MAP4: variants seen among roughly 807,000 people sequenced by gnomAD.
MAP4 encodes microtubule-associated protein 4.
Under a neutral mutation model 170.2 loss-of-function variants are expected in MAP4, and 76 were observed. The observed-to-expected ratio is 0.45, with a 90% CI of 0.37 to 0.54. The LOEUF is 0.54. Among genes scored for constraint, MAP4 ranks in the 20% least tolerant of loss-of-function variants. The pLI, the probability that MAP4 is intolerant of heterozygous loss-of-function variation, is 0.00. For synonymous variants in MAP4, 909 were observed against 994.5 expected (o/e 0.91, Z 1.62); for missense variants, 2,506 against 2,748.0 (o/e 0.91, Z 1.97).
chr3:47,936,946 C>T (rs1189556489), intron 3 of MAP4, among the ~76,000 whole-genome samples: 2 of 148,284 alleles, frequency 1.3e-5, no homozygotes, highest in African/African-American at 5.0e-5. Flanking sequence ...CGCCACTGCA[C>T]TCCGGCTTGG....
At chr3:48,027,932 C>A (rs1191094698) in intron 1 of MAP4, among the ~76,000 whole-genome samples, 1 of 152,158 alleles carries the variant, frequency 6.6e-6, no homozygotes, top group Non-Finnish European at 1.5e-5. Flanking sequence ...TCTGTAGATA[C>A]CCATTCACAC....
intron 3 of MAP4, among the ~76,000 whole-genome samples, chr3:47,968,402 T>C (rs2100076425): frequency 1.3e-5 from 2 of 152,130 alleles, no homozygotes; most frequent in South Asian, 4.1e-4. Flanking sequence ...CCAATTATGT[T>C]CTCCAACCAC....
chr3:48,008,656 G>A (rs2100103701), intron 1 of MAP4, among the ~76,000 whole-genome samples: 1 of 152,242 alleles, frequency 6.6e-6, no homozygotes, highest in South Asian at 2.1e-4. Flanking sequence ...CCATGTGAGT[G>A]CTCACCAACA....
chr3:48,014,095 A>G (rs2100106650), intron 1 of MAP4, among the ~76,000 whole-genome samples: 1 of 152,218 alleles, frequency 6.6e-6, no homozygotes, highest in Admixed American at 6.5e-5. Context: ...ACAGGAAATA[A>G]GGATATATGA....
chr3:48,011,511 C>G (rs548641219), intron 1 of MAP4, among the ~76,000 whole-genome samples: 1 of 151,714 alleles, frequency 6.6e-6, no homozygotes, highest in East Asian at 1.9e-4. Flanking sequence ...CAAGATCACG[C>G]CACTGCACTC....
chr3:47,877,363 A>G, intron 11 of MAP4, 54 bp downstream of exon 11: 1 of 1,320,494 alleles, frequency 7.6e-7, no homozygotes, highest in South Asian at 1.2e-5. Context: ...ACAGCAGAAG[A>G]TACTCCGTTT....
intron 1 of MAP4, among the ~76,000 whole-genome samples, chr3:48,009,948 C>T (rs1291468560): frequency 6.6e-6 from 1 of 152,146 alleles, no homozygotes; most frequent in Non-Finnish European, 1.5e-5. Context: ...TCAACAGGCT[C>T]AGAGGGGGAG....
At chr3:48,050,042 C>T (rs779988657) in intron 1 of MAP4, among the ~76,000 whole-genome samples, 1 of 150,212 alleles carries the variant, frequency 6.7e-6, no homozygotes, top group Non-Finnish European at 1.5e-5. Flanking sequence ...GGTGGATCAC[C>T]GGAGGTCAAG....
In MAP4 at chr3:47,928,232, C is replaced by A; in HGVS notation, c.411G>T (p.Gln137His). 1 of 1,614,058 alleles carries A rather than the reference C, an allele frequency of 6.2e-7. No individual in the cohort carries two copies. The highest frequency in any genetic ancestry group is 8.5e-7 in the Non-Finnish European group (1 of 1,179,994). ...FQPEQVVDPIQTDPFKMYHDD... is the reference protein window; with the variant it reads ...FQPEQVVDPIHTDPFKMYHDD... ...CACGAGCAAGCCAACACTTACCAGT[C>A]TGGATAGGATCGACCACTTGCTCAG... Residue 137 changes from glutamine (Q) to histidine (H), a missense_variant, in exon 4 of 21, where the codon CAG becomes CAT. Coordinates refer to ENST00000683076, the MANE Select transcript of MAP4 (RefSeq NM_001385682.1).
intron 1 of MAP4, among the ~76,000 whole-genome samples, chr3:48,062,491 C>CAACA (rs1425835575): frequency 6.2e-5 from 1 of 16,230 alleles, no homozygotes; most frequent in Admixed American, 7.6e-4. Context: ...CAAGAATGAT[C>CAACA]AATAAAAAAA....
chr3:48,025,936 T>TAATAATAATAATAATAATAATAATAAC, intron 1 of MAP4, among the ~76,000 whole-genome samples: 1 of 147,530 alleles, frequency 6.8e-6, no homozygotes, highest in South Asian at 2.1e-4. Context: ...ATAATAATAA[T>TAATAATAATAATAATAATAATAATAAC]AACAATAATA....
chr3:48,085,998 G>C (rs1311834864), intron 1 of MAP4, among the ~76,000 whole-genome samples: 1 of 152,188 alleles, frequency 6.6e-6, no homozygotes, highest in South Asian at 2.1e-4. Context: ...GTTGCAGTGA[G>C]CTGAGATCGT....
Position 47,891,605 on chromosome 3 carries a change from G to A in MAP4, c.5434+11345C>T. ...ACATTCAGACAGGGCCCTGCGCACT[G>A]CCTTTTTCTGCTGGGGGGCTTGGTT... On this transcript the variant is annotated intron_variant, in intron 10 of 20. Transcript: ENST00000683076. 2.6e-6 allele frequency: 4 copies of A among 1,535,988 alleles called. No individual in the cohort carries two copies. The South Asian group carries it at 4.8e-5, about 18-fold the overall frequency.
At chr3:47,874,317 A>C (rs983303131) in intron 12 of MAP4, among the ~76,000 whole-genome samples, 1 of 151,968 alleles carries the variant, frequency 6.6e-6, no homozygotes, top group Non-Finnish European at 1.5e-5. Flanking sequence ...AAAATACAAA[A>C]AATTAGCCAG....
chr3:48,074,698 G>GTGTGTGTGTC (rs2100142920), intron 1 of MAP4, among the ~76,000 whole-genome samples: 1 of 147,764 alleles, frequency 6.8e-6, no homozygotes, highest in South Asian at 2.2e-4. Flanking sequence ...GTGTGTGTGT[G>GTGTGTGTGTC]TGTGTGTGTG....
At chr3:47,960,318 A>C in intron 3 of MAP4, 1 of 226,580 alleles carries the variant, frequency 4.4e-6, no homozygotes, top group South Asian at 8.0e-5. Flanking sequence ...TCACTGGTAA[A>C]AGTTTATTCT....
intron 3 of MAP4, among the ~76,000 whole-genome samples, chr3:47,967,958 AC>A (rs1250574370): frequency 2.0e-5 from 3 of 152,144 alleles, no homozygotes; most frequent in Non-Finnish European, 4.4e-5. Context: ...CTGCCTCAAA[AC>A]AAAAAAACAC....
chr3:47,951,685 G>A lies in MAP4; in HGVS notation c.293-23335C>T, dbSNP rs538216279. Reference sequence around the variant, plus strand: ...TGCCCAGGCTGGAGTGCAGTGGCGTGATCTCGGCTCGCTACAACCTCCACC... The same window carrying A: ...TGCCCAGGCTGGAGTGCAGTGGCGTAATCTCGGCTCGCTACAACCTCCACC... On this transcript the variant is annotated intron_variant, in intron 3 of 20. Transcript: ENST00000683076. 7.4e-3 allele frequency among the ~76,000 whole-genome samples: 1,128 copies of A among 152,264 alleles called. 22 individuals carry two copies. The highest frequency in any genetic ancestry group is 6.4e-3 in the Non-Finnish European group (435 of 68,012).
intron 3 of MAP4, among the ~76,000 whole-genome samples, chr3:47,972,885 CAA>C (rs551078890): frequency 4.4e-5 from 4 of 90,746 alleles, no homozygotes; most frequent in Admixed American, 1.3e-4. Context: ...GACTCCGTCT[CAA>C]AAAAAAAAAA....
Sources: gnomAD v4.1 joint callset for allele counts (sites outside exome capture counted in the v4.1 genomes callset) on GRCh38, gnomAD v4.1.1 for gene constraint, MANE v1.5 for transcripts, NCBI Gene and HGNC (gene_info 2026-07-23, HGNC 2026-07-21) for gene names.